Variants in LGALS8 observed in about 807,000 individuals in gnomAD.
The protein encoded by LGALS8 is galectin 8.
A neutral mutation model predicts 35.9 loss-of-function variants in LGALS8; 30 were observed. The ratio of observed to expected loss-of-function variants is 0.83; its 90% CI spans 0.62 to 1.13. The LOEUF (loss-of-function observed/expected upper bound fraction) is 1.13. Ranked by LOEUF, LGALS8 falls within the 50% of genes most tolerant of loss-of-function variation. The pLI, the probability that LGALS8 is intolerant of heterozygous loss-of-function variation, is 0.00. For synonymous variants in LGALS8, 138 were observed against 136.1 expected (o/e 1.01, Z -0.10); for missense variants, 366 against 388.7 (o/e 0.94, Z 0.49).
rs757335009 is a variant in LGALS8 at position 236,526,113 on chromosome 1, C to T, written c.43C>T (p.Pro15Ser). The T allele has an allele frequency of 2.5e-6, 4 of 1,603,286 alleles. No homozygotes were observed. Among genetic ancestry groups the T allele is most frequent in the Non-Finnish European group, 2.6e-6 (3 of 1,170,716 alleles). Residue 15 changes from proline to serine, a missense_variant and splice_region_variant, in exon 2 of 10, where the codon CCG becomes TCG. By Grantham distance (74) the Pro-to-Ser change is moderately conservative. Coordinates refer to ENST00000366584, the MANE Select transcript of LGALS8 (RefSeq NM_201544.4). The surrounding 1 kb of genome is among the most constrained non-coding windows in gnomAD (Gnocchi z 4.6). ...CAACCTACAGAATATCATCTATAAC[C>T]CGGTAACTGATTTCTATAAGATAAC... ...LNNLQNIIYN[P>S]VIPFVGTIPD...
intron 5 of LGALS8, 162 bp from the exon 6 acceptor site, chr1:236,541,492 T>C: frequency 2.0e-6 from 1 of 503,328 alleles, no homozygotes; most frequent in Non-Finnish European, 3.5e-6. Flanking sequence ...TTTGCCAATC[T>C]GATGGGGGGC....
intron 2 of LGALS8, among the ~76,000 whole-genome samples, chr1:236,533,637 AT>A (rs57058408): frequency 0.034 from 4,977 of 146,866 alleles, 122 homozygotes; most frequent in Non-Finnish European, 0.051. Flanking sequence ...CCTGACCCCC[AT>A]TTTTTTTTTT....
In LGALS8 at chr1:236,532,262, C is replaced by A. The variant is rs752879467; in HGVS notation, c.46-5235C>A. Among the ~76,000 whole-genome samples the A allele has an allele frequency of 1.2e-4, 18 of 152,160 alleles. 1 individual carries two copies. Among genetic ancestry groups the A allele is most frequent in the Non-Finnish European group, 2.1e-4 (14 of 68,032 alleles). ...GCCAGGGGCCTGCCTCGTAAGGAGG[C>A]CTTTCCAGGACAGCAGTCAGGCCTG... is the stretch of plus-strand genomic sequence containing the variant. On this transcript the variant is annotated intron_variant, in intron 2 of 9. Coordinates refer to ENST00000366584, the MANE Select transcript of LGALS8 (RefSeq NM_201544.4).
At chr1:236,523,799 AG>A, upstream of LGALS8, 4 of 348,738 alleles carry the variant, frequency 1.1e-5, no homozygotes, top group South Asian at 8.6e-5. Flanking sequence ...GAGGCTGTGC[AG>A]GAGGCCGAGC....
chr1:236,545,399 T>C (rs1207122861), intron 9 of LGALS8, among the ~76,000 whole-genome samples: 3 of 152,236 alleles, frequency 2.0e-5, no homozygotes, highest in African/African-American at 4.8e-5. Flanking sequence ...CATGCAGTCC[T>C]GAGTCCCCAG....
At chr1:236,528,365 G>C (rs193217899) in intron 2 of LGALS8, among the ~76,000 whole-genome samples, 1 of 132,748 alleles carries the variant, frequency 7.5e-6, no homozygotes, top group Non-Finnish European at 1.6e-5. Context: ...CTGGGTGACA[G>C]AGCGAGACTC....
chr1:236,538,086 C>CAAAAAA (rs548113542), intron 3 of LGALS8, among the ~76,000 whole-genome samples: 5 of 50,062 alleles, frequency 1.0e-4, no homozygotes, highest in Non-Finnish European at 1.1e-4. Context: ...GCCTGGGTGA[C>CAAAAAA]AAAAAAAAAA....
At chr1:236,546,305 T>G (rs1662360965) in intron 9 of LGALS8, among the ~76,000 whole-genome samples, 1 of 152,242 alleles carries the variant, frequency 6.6e-6, no homozygotes, top group African/African-American at 2.4e-5. Flanking sequence ...GTAATTATCC[T>G]TGTGTTGATC....
upstream of LGALS8, chr1:236,518,512 G>C (rs923189108): frequency 1.3e-5 from 2 of 152,070 alleles, no homozygotes; most frequent in Admixed American, 1.3e-4. Flanking sequence ...TGAGTATTGT[G>C]GTTTTGTAAA....
chr1:236,533,892 C>G (rs1342110709), intron 2 of LGALS8, among the ~76,000 whole-genome samples: 1 of 79,500 alleles, frequency 1.3e-5, no homozygotes, highest in Non-Finnish European at 3.2e-5. Flanking sequence ...TCTACCAATG[C>G]CACTGCTGTC....
At chr1:236,531,409 C>T (rs554033901) in intron 2 of LGALS8, among the ~76,000 whole-genome samples, 92 of 152,050 alleles carry the variant, frequency 6.1e-4, no homozygotes, top group Non-Finnish European at 1.1e-3. Context: ...CTGCAAGCTC[C>T]GCCTCCCGGG....
chr1:236,552,116 G>C lies in LGALS8; in HGVS notation c.*3955G>C, dbSNP rs74151928. The C allele has an allele frequency of 6.4e-7, 1 of 1,557,994 alleles. No individual in the cohort carries two copies. Among genetic ancestry groups the C allele is most frequent in the African/African-American group, 1.4e-5 (1 of 73,944 alleles). ...AAAGCAGCAAATCGAACCTGAAAGG[G>C]ATAAAAGAGCAAAGAAATAAAAAGT... On this transcript the variant is annotated 3_prime_UTR_variant, in exon 10 of 10. Coordinates refer to ENST00000366584, the MANE Select transcript of LGALS8 (RefSeq NM_201544.4).
At position 236,548,815 on chromosome 1, in the gene LGALS8, G is replaced by T; in HGVS notation, c.*654G>T. 1 of 397,314 alleles carries T rather than the reference G, an allele frequency of 2.5e-6. No individual in the cohort carries two copies. 24.6% of individuals were successfully genotyped at this position (397,314 alleles called of 1,614,324 possible). On this transcript the variant is annotated 3_prime_UTR_variant, in exon 10 of 10. Transcript: ENST00000366584. Reference sequence around the variant, plus strand: ...AAACATGTGGCTCTATTAGCTGCAAGCTTTACCAAGTAATTGGCATGACAT... The same window carrying T: ...AAACATGTGGCTCTATTAGCTGCAATCTTTACCAAGTAATTGGCATGACAT...
chr1:236,533,404 G>A (rs931807262), intron 2 of LGALS8, among the ~76,000 whole-genome samples: 3 of 151,082 alleles, frequency 2.0e-5, no homozygotes, highest in Non-Finnish European at 4.4e-5. Context: ...GCCCGATCTC[G>A]GCTCATTGCA....
At chr1:236,534,551 G>A (rs879803494) in intron 2 of LGALS8, among the ~76,000 whole-genome samples, 8 of 151,738 alleles carry the variant, frequency 5.3e-5, no homozygotes, top group Admixed American at 5.3e-4. Flanking sequence ...TTTCACAGAA[G>A]CCACATAGTC....
At chr1:236,538,408 A>C (rs1191609939) in intron 3 of LGALS8, among the ~76,000 whole-genome samples, 1 of 152,164 alleles carries the variant, frequency 6.6e-6, no homozygotes, top group African/African-American at 2.4e-5. Context: ...TGTTATCTTG[A>C]GGGTGAGGTA....
chr1:236,536,452 A>G (rs986681859), intron 2 of LGALS8: 2 of 152,502 alleles, frequency 1.3e-5, no homozygotes, highest in Non-Finnish European at 2.9e-5. Context: ...GGTCCCAGAA[A>G]AAAAGGGCTG....
chr1:236,525,963 C>T lies in LGALS8; in HGVS notation c.-103-5C>T, dbSNP rs1319048749. 10 of 714,960 alleles carry T rather than the reference C, an allele frequency of 1.4e-5. No homozygotes were observed. Among genetic ancestry groups the T allele is most frequent in the Non-Finnish European group, 2.4e-5 (10 of 415,502 alleles). The allele number at this position is 714,960 out of a possible 1,614,324, so 44.3% of individuals were successfully genotyped here. On this transcript the variant is annotated splice_polypyrimidine_tract_variant and splice_region_variant and intron_variant, in intron 1 of 9. Transcript: ENST00000366584. ...TTTCTTTTCCTCTATTTTTACTTTA[C>T]ACAGGGCCAGTGCCTCAGTTTCAAT...
In LGALS8 at chr1:236,552,143, G is replaced by T. The variant is rs528773286; in HGVS notation, c.*3982G>T. On this transcript the variant is annotated 3_prime_UTR_variant, in exon 10 of 10. Coordinates refer to ENST00000366584, the MANE Select transcript of LGALS8 (RefSeq NM_201544.4). ...TAAAAGAGCAAAGAAATAAAAAGTA[G>T]TGTTACTGTATTTATTATCTTAAGA... 1 of 1,354,328 alleles carries T rather than the reference G, an allele frequency of 7.4e-7. No individual in the cohort carries two copies. Among genetic ancestry groups the T allele is most frequent in the Non-Finnish European group, 1.1e-6 (1 of 947,804 alleles). 83.9% of individuals were successfully genotyped at this position (1,354,328 alleles called of 1,614,324 possible). A position where few individuals can be genotyped will look rare whatever the true frequency, so the allele number is the denominator to read the frequency against.
Sources: gnomAD v4.1 joint callset for allele counts (sites outside exome capture counted in the v4.1 genomes callset) on GRCh38, gnomAD v4.1.1 for gene constraint, Gnocchi (gnomAD v3.1) non-coding constraint, MANE v1.5 for transcripts, NCBI Gene and HGNC (gene_info 2026-07-23, HGNC 2026-07-21) for gene names.